The following CPEB3 variants were observed in gnomAD, a reference collection of about 807,000 sequenced individuals.
CPEB3 encodes the protein cytoplasmic polyadenylation element binding protein 3.
A neutral mutation model predicts 67.2 loss-of-function variants in CPEB3; 20 were observed. The ratio of observed to expected loss-of-function variants is 0.30; its 90% CI spans 0.21 to 0.43. CPEB3 has a LOEUF of 0.43. CPEB3 is among the 20% of genes least tolerant of loss of function. The pLI, the probability that CPEB3 is intolerant of heterozygous loss-of-function variation, is 1.00. For missense variants in CPEB3, 746 were observed against 968.6 expected (o/e 0.77, Z 3.05); for synonymous variants, 376 against 393.1 (o/e 0.96, Z 0.51).
At chr10:92,286,999 C>T (rs569812436) in intron 1 of CPEB3, among the ~76,000 whole-genome samples, 1 of 152,164 alleles carries the variant, frequency 6.6e-6, no homozygotes, top group South Asian at 2.1e-4. Flanking sequence ...TTGTTCTTGT[C>T]CTCTGAACTT....
chr10:92,240,384 C>G, intron 1 of CPEB3, 23 bp from the exon 2 acceptor site: 15 of 1,436,434 alleles, frequency 1.0e-5, no homozygotes, highest in Non-Finnish European at 1.4e-5. Context: ...AAAAGAGAGA[C>G]GCGTTATTGT....
intron 2 of CPEB3, among the ~76,000 whole-genome samples, chr10:92,207,128 A>G (rs1422103032): frequency 4.6e-5 from 7 of 152,082 alleles, no homozygotes; most frequent in Non-Finnish European, 8.8e-5. Flanking sequence ...GACCACAGGC[A>G]TATGCCACCA....
chr10:92,213,043 ACT>A (rs1224709389), intron 2 of CPEB3, among the ~76,000 whole-genome samples: 2 of 152,156 alleles, frequency 1.3e-5, no homozygotes, highest in Non-Finnish European at 2.9e-5. Context: ...GTTCATGGTA[ACT>A]CTGCTTAAAT....
At chr10:92,060,341 C>A (rs979279239) in intron 9 of CPEB3, among the ~76,000 whole-genome samples, 1 of 151,966 alleles carries the variant, frequency 6.6e-6, no homozygotes, top group Non-Finnish European at 1.5e-5. Flanking sequence ...CAGAGGAAGA[C>A]CTTGTCTAAA....
At chr10:92,126,155 G>T (rs1178778215) in intron 6 of CPEB3, among the ~76,000 whole-genome samples, 5 of 152,152 alleles carry the variant, frequency 3.3e-5, no homozygotes, top group African/African-American at 1.2e-4. Flanking sequence ...CTAGAAATAT[G>T]AAAACTATAC....
intron 1 of CPEB3, among the ~76,000 whole-genome samples, chr10:92,265,787 T>G (rs1347046880): frequency 6.6e-6 from 1 of 151,228 alleles, no homozygotes; most frequent in Non-Finnish European, 1.5e-5. Context: ...TGAAAAAAGT[T>G]TTCTTTTTTT....
Position 92,091,820 on chromosome 10 carries a change from T to C in CPEB3, c.1687+10A>G. The C allele has an allele frequency of 1.3e-6, 2 of 1,540,556 alleles. No individual in the cohort carries two copies. Among genetic ancestry groups the C allele is most frequent in the Non-Finnish European group, 1.8e-6 (2 of 1,120,864 alleles). On this transcript the variant is annotated intron_variant, in intron 8 of 9. Transcript: ENST00000265997. ...GGTTTTGTTGTTGTGGTATTACTAT[T>C]TCCACTCACCAGCTCGAAGGGGTCG...
rs185707362 is a variant in CPEB3, at chr10:92,099,993, G to A, written c.1573-8049C>T. Among the ~76,000 whole-genome samples the A allele has an allele frequency of 1.6e-4, 25 of 152,266 alleles. No individual in the cohort carries two copies. In the East Asian group the frequency reaches 4.6e-3, roughly 28 times the overall value. ...AGCCTGGGCAGCATAGTGAGACCCTGTCTCTATGAAAACCTTTTCAAAATT... is the reference window on the plus strand; with the variant it reads ...AGCCTGGGCAGCATAGTGAGACCCTATCTCTATGAAAACCTTTTCAAAATT... On this transcript the variant is annotated intron_variant, in intron 7 of 9. Coordinates refer to ENST00000265997, the MANE Select transcript of CPEB3 (RefSeq NM_014912.5).
intron 4 of CPEB3, among the ~76,000 whole-genome samples, chr10:92,149,063 G>T (rs1789361060): frequency 6.6e-6 from 1 of 152,064 alleles, no homozygotes; most frequent in South Asian, 2.1e-4. Context: ...ACCACACCTG[G>T]CTTATTTTTC....
rs1294501874 is a variant in CPEB3 at position 92,278,601 on chromosome 10, C to CTTTTTT, written c.-12+12319_-12+12324dup. On this transcript the variant is annotated intron_variant, in intron 1 of 9. Coordinates refer to ENST00000265997, the MANE Select transcript of CPEB3 (RefSeq NM_014912.5). ...ACTTTGCTGAACTCATTGACTGGTTCTTTTTTTTTTTTTTTTTTGAGACAG... is the reference window on the plus strand; with the variant it reads ...ACTTTGCTGAACTCATTGACTGGTTCTTTTTTTTTTTTTTTTTTTTTTTTGAGACAG... Among the ~76,000 whole-genome samples, 4 of 129,204 alleles carry CTTTTTT rather than the reference C, an allele frequency of 3.1e-5. 1 individual carries two copies. The highest frequency in any genetic ancestry group is 8.7e-5 in the African/African-American group (3 of 34,500). The allele number at this position is 129,204 out of a possible 152,430, so 84.8% of individuals were successfully genotyped here.
At chr10:92,247,005 G>T (rs1357334050) in intron 1 of CPEB3, among the ~76,000 whole-genome samples, 2 of 152,066 alleles carry the variant, frequency 1.3e-5, no homozygotes, top group South Asian at 4.2e-4. Context: ...TACTTAATGG[G>T]ATTGTATTGT....
chr10:92,277,482 T>G (rs141048457), intron 1 of CPEB3, among the ~76,000 whole-genome samples: 6 of 152,370 alleles, frequency 3.9e-5, no homozygotes, highest in African/African-American at 7.2e-5. Context: ...CTCCTCATCC[T>G]GTTCCACTGA....
intron 4 of CPEB3, among the ~76,000 whole-genome samples, chr10:92,168,637 T>C (rs1222805112): frequency 6.6e-6 from 1 of 152,096 alleles, no homozygotes; most frequent in East Asian, 1.9e-4. Context: ...CGAGATCTGA[T>C]GGTTTTATAA....
In CPEB3 at chr10:92,052,192, T is replaced by C. The variant is rs757821654; in HGVS notation, c.*20A>G. 2 of 1,579,180 alleles carry C rather than the reference T, an allele frequency of 1.3e-6. No homozygotes were observed. Among genetic ancestry groups the C allele is most frequent in the South Asian group, 1.1e-5 (1 of 90,064 alleles). The stretch of plus-strand genomic sequence containing the variant: ...TCCTTGTTATCTACTCCAGTACTTG[T>C]GGCTGGGTCGGCCCGTGGCTCAGCT... On this transcript the variant is annotated 3_prime_UTR_variant, in exon 10 of 10. Coordinates refer to ENST00000265997, the MANE Select transcript of CPEB3 (RefSeq NM_014912.5).
At chr10:92,087,345 A>G (rs1843416010) in intron 8 of CPEB3, among the ~76,000 whole-genome samples, 1 of 152,210 alleles carries the variant, frequency 6.6e-6, no homozygotes, top group Non-Finnish European at 1.5e-5. Flanking sequence ...GGAAAAAAAG[A>G]AAGGAAGGAA....
intron 2 of CPEB3, among the ~76,000 whole-genome samples, 178 bp from the exon 3 acceptor site, chr10:92,192,814 C>T (rs1033281497): frequency 3.3e-5 from 5 of 152,136 alleles, no homozygotes; most frequent in East Asian, 1.9e-4. Flanking sequence ...GATGGGGTCT[C>T]GCTATGTTTC....
At chr10:92,136,100 T>C (rs953169084) in intron 6 of CPEB3, among the ~76,000 whole-genome samples, 1 of 152,160 alleles carries the variant, frequency 6.6e-6, no homozygotes, top group African/African-American at 2.4e-5. Flanking sequence ...ACATGGCACA[T>C]GTATACCTAT....
chr10:92,206,935 T>C (rs1849819981), intron 2 of CPEB3, among the ~76,000 whole-genome samples: 1 of 152,162 alleles, frequency 6.6e-6, no homozygotes, highest in African/African-American at 2.4e-5. Context: ...TTTGTTATTG[T>C]GGAATTCAGC....
intron 1 of CPEB3, among the ~76,000 whole-genome samples, chr10:92,244,667 G>T (rs1436678208): frequency 6.6e-6 from 1 of 151,974 alleles, no homozygotes; most frequent in East Asian, 1.9e-4. Context: ...TCGATCTCCT[G>T]ACCTCGTGAT....
Sources: allele counts gnomAD v4.1 joint callset (sites outside exome capture counted in the v4.1 genomes callset), GRCh38; gene constraint gnomAD v4.1.1; transcripts MANE v1.5; gene names NCBI Gene and HGNC (gene_info 2026-07-23, HGNC 2026-07-21).